Variants in ADGRL2 observed in about 807,000 individuals in gnomAD.
ADGRL2 encodes the protein calcium-independent alpha-latrotoxin receptor 2.
ADGRL2 carries 44 observed loss-of-function variants against 157.4 expected under a neutral mutation model. The observed-to-expected ratio is 0.28, with a 90% CI of 0.22 to 0.36. ADGRL2 has a LOEUF of 0.36. Ranked by LOEUF, ADGRL2 falls within the 10% of genes least tolerant of loss-of-function variation. ADGRL2 has a pLI of 1.00. For missense variants in ADGRL2, 1,510 were observed against 1,768.9 expected (o/e 0.85, Z 2.63); for synonymous variants, 585 against 624.7 (o/e 0.94, Z 0.95).
At chr1:81,357,101 G>C (rs1178036718) in intron 1 of ADGRL2, among the ~76,000 whole-genome samples, 1 of 152,012 alleles carries the variant, frequency 6.6e-6, no homozygotes, top group Admixed American at 6.6e-5. Context: ...GGCCTTATGA[G>C]AAAGAGCATA....
intron 1 of ADGRL2, among the ~76,000 whole-genome samples, chr1:81,825,946 T>C (rs1207843637): frequency 6.6e-6 from 1 of 152,076 alleles, no homozygotes; most frequent in East Asian, 1.9e-4. Flanking sequence ...AGAAAGATGT[T>C]AGGACAGAGG....
rs1664926892 is a variant in ADGRL2, at chr1:81,993,291, A to G, written c.*2146A>G. Among the ~76,000 whole-genome samples the G allele has an allele frequency of 1.3e-5, 2 of 151,150 alleles. No homozygotes were observed. Among genetic ancestry groups the G allele is most frequent in the Admixed American group, 1.3e-4 (2 of 15,142 alleles). ...TATAAACTACTTGCTAAAGGAGGGC[A>G]TTAGATAATCAAGTATTTTTAATTT... On this transcript the variant is annotated 3_prime_UTR_variant, in exon 24 of 24. Transcript: ENST00000686636.
intron 2 of ADGRL2, among the ~76,000 whole-genome samples, chr1:81,527,120 CA>C (rs1345333323): frequency 1.3e-5 from 2 of 152,194 alleles, no homozygotes; most frequent in South Asian, 4.1e-4. Flanking sequence ...TCGAATTCAG[CA>C]TTTAATCTGT....
intron 3 of ADGRL2, among the ~76,000 whole-genome samples, chr1:81,629,683 G>GTC (rs1366356818): frequency 1.1e-4 from 11 of 97,264 alleles, no homozygotes; most frequent in Admixed American, 7.2e-4. Context: ...GTGTGTGTGT[G>GTC]TGTGTGTGTG....
chr1:81,821,466 T>C (rs1288073152), intron 1 of ADGRL2, among the ~76,000 whole-genome samples: 1 of 152,160 alleles, frequency 6.6e-6, no homozygotes, highest in Non-Finnish European at 1.5e-5. Context: ...AAATGATAGT[T>C]TTTCTTTGGT....
At chr1:81,882,677 A>G (rs1267101804) in intron 2 of ADGRL2, among the ~76,000 whole-genome samples, 4 of 152,328 alleles carry the variant, frequency 2.6e-5, no homozygotes, top group Admixed American at 2.0e-4. Context: ...CATTTATTGT[A>G]TGTAATGAAT....
chr1:81,890,499 T>C (rs552279499), intron 2 of ADGRL2, among the ~76,000 whole-genome samples: 1 of 152,130 alleles, frequency 6.6e-6, no homozygotes, highest in Non-Finnish European at 1.5e-5. Flanking sequence ...CCGTGGGAGA[T>C]ACTGGGAAGA....
chr1:81,748,467 C>CAAAAAAAAAAAAAAAAAAAA (rs973818702), intron 1 of ADGRL2, among the ~76,000 whole-genome samples: 2 of 42,420 alleles, frequency 4.7e-5, no homozygotes, highest in African/African-American at 8.9e-5. Flanking sequence ...GATTCCGTCT[C>CAAAAAAAAAAAAAAAAAAAA]AAAAAAAAAA....
intron 2 of ADGRL2, among the ~76,000 whole-genome samples, chr1:81,852,044 T>G (rs2093032428): frequency 6.6e-6 from 1 of 151,982 alleles, no homozygotes; most frequent in Non-Finnish European, 1.5e-5. Context: ...ACTAAAATGT[T>G]TGCTCAGTAA....
chr1:81,813,274 G>A (rs918744598), intron 1 of ADGRL2, among the ~76,000 whole-genome samples: 20 of 151,682 alleles, frequency 1.3e-4, no homozygotes, highest in African/African-American at 4.3e-4. Flanking sequence ...GGAAAGAGAT[G>A]TAATAGTTCA....
intron 1 of ADGRL2, among the ~76,000 whole-genome samples, chr1:81,441,966 T>C (rs981210427): frequency 6.6e-6 from 1 of 152,154 alleles, no homozygotes; most frequent in Non-Finnish European, 1.5e-5. Context: ...CTCCAGTAGC[T>C]GAGACTACAG....
intron 3 of ADGRL2, among the ~76,000 whole-genome samples, chr1:81,583,702 C>G (rs181612392): frequency 2.6e-5 from 4 of 152,102 alleles, no homozygotes; most frequent in Admixed American, 2.6e-4. Flanking sequence ...GAAAACAATA[C>G]GTTTTCAAGC....
chr1:81,781,076 T>A (rs1313470984), intron 2 of ADGRL2, among the ~76,000 whole-genome samples: 1 of 152,246 alleles, frequency 6.6e-6, no homozygotes, highest in Non-Finnish European at 1.5e-5. Flanking sequence ...TTTATTTATT[T>A]TCTCTTTTCC....
intron 3 of ADGRL2, among the ~76,000 whole-genome samples, chr1:81,594,749 GA>G (rs1452926026): frequency 6.6e-6 from 1 of 152,090 alleles, no homozygotes; most frequent in Non-Finnish European, 1.5e-5. Context: ...CCTTTCAGAA[GA>G]AAATATTTAA....
chr1:81,775,893 GT>G (rs2086562457), intron 2 of ADGRL2, among the ~76,000 whole-genome samples: 1 of 152,098 alleles, frequency 6.6e-6, no homozygotes, highest in South Asian at 2.1e-4. Context: ...TATATTAAAA[GT>G]TTTTCTAAAA....
intron 1 of ADGRL2, among the ~76,000 whole-genome samples, chr1:81,432,677 G>T (rs138940567): frequency 6.6e-6 from 1 of 152,022 alleles, no homozygotes; most frequent in Non-Finnish European, 1.5e-5. Context: ...CCTCCTCGGC[G>T]CCGCTCCCCT....
rs529999786 is a variant in ADGRL2 at position 81,863,698 on chromosome 1, AG to A, written c.73+26643del. On this transcript the variant is annotated intron_variant, in intron 2 of 23. Transcript: ENST00000686636. ...AATTAAGGGGTGAACTCAAGAAACCAGGTATCATATATTGAGTGCAAGCTAC... is the reference window on the plus strand; with the variant it reads ...AATTAAGGGGTGAACTCAAGAAACCAGTATCATATATTGAGTGCAAGCTAC... Among the ~76,000 whole-genome samples the A allele has an allele frequency of 6.3e-4, 96 of 152,316 alleles. 1 individual carries two copies. The highest frequency in any genetic ancestry group is 4.9e-3 in the Admixed American group (75 of 15,286).
At chr1:81,745,334 T>A (rs1349915561) in intron 1 of ADGRL2, among the ~76,000 whole-genome samples, 1 of 152,252 alleles carries the variant, frequency 6.6e-6, no homozygotes, top group Non-Finnish European at 1.5e-5. Context: ...ACATATGCTT[T>A]CTTGAGCATC....
At chr1:81,584,004 C>T (rs907440811) in intron 3 of ADGRL2, among the ~76,000 whole-genome samples, 1 of 152,128 alleles carries the variant, frequency 6.6e-6, no homozygotes, top group African/African-American at 2.4e-5. Flanking sequence ...AAACCCCAGA[C>T]CTCTGCTTAA....
Sources: gnomAD v4.1 joint callset for allele counts (sites outside exome capture counted in the v4.1 genomes callset) on GRCh38, gnomAD v4.1.1 for gene constraint, MANE v1.5 for transcripts, NCBI Gene and HGNC (gene_info 2026-07-23, HGNC 2026-07-21) for gene names.